The following CD44 variants were observed in gnomAD, a reference collection of about 807,000 sequenced individuals.
The protein encoded by CD44 is CD44 antigen.
CD44 carries 49 observed loss-of-function variants against 88.8 expected under a neutral mutation model. That is an observed-to-expected ratio of 0.55 (90% CI 0.44 to 0.70). The LOEUF is 0.70. Among genes scored for constraint, CD44 ranks in the 30% least tolerant of loss-of-function variants. The pLI, the probability that CD44 is intolerant of heterozygous loss-of-function variation, is 0.00. For missense variants in CD44, 883 were observed against 913.8 expected, an observed-to-expected ratio of 0.97 and a Z score of 0.43; for synonymous variants, 325 against 312.3, an observed-to-expected ratio of 1.04 and a Z score of -0.43.
chr11:35,142,798 T>C (rs899691515), intron 1 of CD44, among the ~76,000 whole-genome samples: 7 of 152,224 alleles, frequency 4.6e-5, no homozygotes, highest in African/African-American at 1.7e-4. Flanking sequence ...CTGGACAGCA[T>C]GAAATTCTTA....
intron 1 of CD44, among the ~76,000 whole-genome samples, chr11:35,167,960 G>A (rs942725595): frequency 3.6e-4 from 55 of 152,224 alleles, no homozygotes; most frequent in African/African-American, 1.3e-3. Flanking sequence ...AAGACCAACA[G>A]GCAGAATCAG....
chr11:35,194,908 G>T (rs1377287909), intron 5 of CD44, among the ~76,000 whole-genome samples: 1 of 152,240 alleles, frequency 6.6e-6, no homozygotes, highest in East Asian at 1.9e-4. Context: ...GCCGGAAAGT[G>T]CAGGCTTCTC....
In CD44 at chr11:35,180,521, A is replaced by G. The variant is rs1463818692; in HGVS notation, c.367+114A>G. ...CCATTTACATAACAAATGCTCACTG[A>G]ATATCTGTACAGCAGAGCCAACATT... On this transcript the variant is annotated intron_variant, in intron 3 of 17. Coordinates refer to ENST00000428726, the MANE Select transcript of CD44 (RefSeq NM_000610.4). The G allele has an allele frequency of 3.4e-6, 4 of 1,168,898 alleles. No individual in the cohort carries two copies. In the East Asian group the frequency reaches 7.0e-5, roughly 21 times the overall value. The allele number at this position is 1,168,898 out of a possible 1,614,324, so 72.4% of individuals were successfully genotyped here. A position where few individuals can be genotyped will look rare whatever the true frequency, so the allele number is the denominator to read the frequency against.
At chr11:35,216,107 A>G (rs1407830008) in intron 15 of CD44, among the ~76,000 whole-genome samples, 2 of 151,698 alleles carry the variant, frequency 1.3e-5, no homozygotes, top group African/African-American at 4.8e-5. Context: ...GCCTTGTATT[A>G]CTTCTCATAG....
intron 1 of CD44, among the ~76,000 whole-genome samples, chr11:35,172,570 T>C (rs1271637507): frequency 6.6e-6 from 1 of 152,208 alleles, no homozygotes; most frequent in Non-Finnish European, 1.5e-5. Flanking sequence ...GCAGGCTTCA[T>C]CTTCAACATC....
intron 15 of CD44, among the ~76,000 whole-genome samples, chr11:35,217,796 G>T (rs1217274227): frequency 1.3e-5 from 2 of 151,790 alleles, no homozygotes; most frequent in Non-Finnish European, 2.9e-5. Context: ...CTTCCATTTG[G>T]TAGGAAAAAA....
intron 15 of CD44, chr11:35,218,918 T>C (rs768562574): frequency 6.7e-5 from 12 of 179,486 alleles, no homozygotes; most frequent in Non-Finnish European, 1.2e-4. Flanking sequence ...AAAATTATGA[T>C]GAACAGCATT....
intron 2 of CD44, chr11:35,176,947 C>T (rs151338790): frequency 0.023 from 12,311 of 526,962 alleles, 192 homozygotes; most frequent in Non-Finnish European, 0.03. Context: ...AATCATAGAG[C>T]GGGAACCCAG....
chr11:35,198,454 C>G, intron 7 of CD44: 1 of 520,728 alleles, frequency 1.9e-6, no homozygotes, highest in Non-Finnish European at 3.4e-6. Context: ...TTTCTCTTGT[C>G]TCATGTTCTT....
chr11:35,205,912 T>G (rs1947792313), intron 10 of CD44, 200 bp from the exon 11 acceptor site: 2 of 1,228,836 alleles, frequency 1.6e-6, no homozygotes, highest in Non-Finnish European at 2.0e-6. Context: ...ACATGCTGAT[T>G]GCTAAGAAGA....
chr11:35,206,053 G>T (rs746476280), intron 10 of CD44, 59 bp from the exon 11 acceptor site: 53 of 1,520,368 alleles, frequency 3.5e-5, no homozygotes, highest in Non-Finnish European at 4.6e-5. Flanking sequence ...TAAAATCGGT[G>T]TATCCCTGAC....
In CD44 at chr11:35,196,757, AC is replaced by A. The variant is rs750237175; in HGVS notation, c.680del (p.Thr227IlefsTer118). The A allele has an allele frequency of 5.0e-6, 8 of 1,613,830 alleles. No individual in the cohort carries two copies. In the Admixed American group the frequency reaches 1.3e-4, roughly 27 times the overall value. On this transcript the variant is annotated frameshift_variant, in exon 6 of 18. Transcript: ENST00000428726. LOFTEE classifies it high-confidence loss of function. ...CATGATTACAACAGCTTTGATGAGCACTAGTGCTACAGCAACTGAGACAGCA... is the reference window on the plus strand; with the variant it reads ...CATGATTACAACAGCTTTGATGAGCATAGTGCTACAGCAACTGAGACAGCA... ...DRIPATTLMSTSATATETATK... is the reference protein window; with the variant it reads ...DRIPATTLMSXSATATETATK...
At chr11:35,171,613 G>A (rs1180908538) in intron 1 of CD44, among the ~76,000 whole-genome samples, 1 of 152,112 alleles carries the variant, frequency 6.6e-6, no homozygotes, top group Non-Finnish European at 1.5e-5. Flanking sequence ...AATTCAAAAT[G>A]TTCATGGAAA....
intron 17 of CD44, chr11:35,223,186 T>C: frequency 1.0e-6 from 1 of 984,862 alleles, no homozygotes; most frequent in Non-Finnish European, 1.2e-6. Context: ...CCGCCTATGA[T>C]TGAATGGAAA....
At chr11:35,183,260 G>C (rs935630620) in intron 3 of CD44, among the ~76,000 whole-genome samples, 7 of 151,718 alleles carry the variant, frequency 4.6e-5, no homozygotes, top group African/African-American at 1.5e-4. Context: ...ACTGCACTAG[G>C]CAGAGATGGA....
At chr11:35,199,488 A>G (rs936114199) in intron 7 of CD44, among the ~76,000 whole-genome samples, 1 of 152,176 alleles carries the variant, frequency 6.6e-6, no homozygotes, top group Non-Finnish European at 1.5e-5. Context: ...AATTCACTGA[A>G]GTTCTATCCA....
In CD44 at chr11:35,214,871, C is replaced by T. The variant is rs373986348; in HGVS notation, c.1830C>T (p.His610=). 2.0e-5 allele frequency: 31 copies of T among 1,556,872 alleles called. No individual in the cohort carries two copies. Among genetic ancestry groups the T allele is most frequent in the Non-Finnish European group, 2.6e-5 (30 of 1,151,432 alleles). The change falls in exon 15 of 18, where the codon CAC becomes CAT. Residue 610 remains histidine, a synonymous_variant. Coordinates refer to ENST00000428726, the MANE Select transcript of CD44 (RefSeq NM_000610.4). ...TTACAGGAGACCAAGACACATTCCA[C>T]CCCAGTGGGGGGTCCCATACCACTC... The part of the protein sequence containing the change: ...RSLSGDQDTF[H]PSGGSHTTHG...
At chr11:35,196,614 C>T (rs1407536801) in intron 5 of CD44, 132 bp from the exon 6 acceptor site, 7 of 1,012,850 alleles carry the variant, frequency 6.9e-6, no homozygotes, top group Admixed American at 3.0e-5. Flanking sequence ...TGCTTTTTCC[C>T]TTTCTTTTCA....
chr11:35,179,591 C>T (rs1944796673), intron 2 of CD44, among the ~76,000 whole-genome samples: 1 of 152,112 alleles, frequency 6.6e-6, no homozygotes, highest in Non-Finnish European at 1.5e-5. Flanking sequence ...TGAGCCGTTG[C>T]TATCTGCTTA....
Sources: allele counts gnomAD v4.1 joint callset (sites outside exome capture counted in the v4.1 genomes callset), GRCh38; gene constraint gnomAD v4.1.1; transcripts MANE v1.5; gene names NCBI Gene and HGNC (gene_info 2026-07-23, HGNC 2026-07-21).